Variants in PDGFC observed in about 807,000 individuals in gnomAD.
The protein encoded by PDGFC is platelet-derived growth factor C.
Under a neutral mutation model 35.5 loss-of-function variants are expected in PDGFC, and 12 were observed. That is an observed-to-expected ratio of 0.34 (90% confidence interval 0.22 to 0.55). The LOEUF (loss-of-function observed/expected upper bound fraction) is 0.55. Ranked by LOEUF, PDGFC falls within the 20% of genes least tolerant of loss-of-function variation. The pLI is 0.91. For synonymous variants in PDGFC, 159 were observed against 148.8 expected, an observed-to-expected ratio of 1.07 and a Z score of -0.50; for missense variants, 322 against 412.4, an observed-to-expected ratio of 0.78 and a Z score of 1.90.
At chr4:156,853,871 A>C (rs1178882481) in intron 1 of PDGFC, among the ~76,000 whole-genome samples, 3 of 152,054 alleles carry the variant, frequency 2.0e-5, no homozygotes, top group African/African-American at 4.8e-5. Flanking sequence ...GCTGAAGTGG[A>C]AGGATCGCTT....
At chr4:156,805,317 A>G (rs1399786533) in intron 3 of PDGFC, among the ~76,000 whole-genome samples, 2 of 152,138 alleles carry the variant, frequency 1.3e-5, no homozygotes, top group East Asian at 3.9e-4. Context: ...GTAGATAAAT[A>G]GTACTTGAAA....
intron 2 of PDGFC, among the ~76,000 whole-genome samples, chr4:156,824,295 T>C (rs1465865173): frequency 3.0e-5 from 1 of 33,252 alleles, no homozygotes; most frequent in African/African-American, 1.4e-4. Flanking sequence ...CATATATATA[T>C]ATATATATAT....
chr4:156,803,592 T>G (rs915552571), intron 3 of PDGFC, among the ~76,000 whole-genome samples: 2 of 152,082 alleles, frequency 1.3e-5, no homozygotes, highest in Non-Finnish European at 2.9e-5. Context: ...TCAAAAGAGT[T>G]ATTTCAAAAA....
chr4:156,903,525 A>G (rs1156481002), intron 1 of PDGFC, among the ~76,000 whole-genome samples: 1 of 152,094 alleles, frequency 6.6e-6, no homozygotes, highest in East Asian at 1.9e-4. Context: ...CCCTATGAAA[A>G]TTAGAAAGAA....
intron 2 of PDGFC, among the ~76,000 whole-genome samples, chr4:156,826,023 C>G (rs1003383544): frequency 6.6e-6 from 1 of 151,784 alleles, no homozygotes; most frequent in Non-Finnish European, 1.5e-5. Flanking sequence ...TACACACTAC[C>G]AGGCCAGGTT....
At chr4:156,940,895 T>G (rs1579114157) in intron 1 of PDGFC, among the ~76,000 whole-genome samples, 1 of 152,288 alleles carries the variant, frequency 6.6e-6, no homozygotes, top group African/African-American at 2.4e-5. Context: ...TAATTGTTTT[T>G]ACTTTGGAAA....
intron 3 of PDGFC, among the ~76,000 whole-genome samples, chr4:156,797,806 T>C (rs1256382217): frequency 6.6e-6 from 1 of 152,156 alleles, no homozygotes; most frequent in Non-Finnish European, 1.5e-5. Flanking sequence ...GAGACTGGGC[T>C]ACTCCTTACA....
At chr4:156,883,435 T>C (rs887427442) in intron 1 of PDGFC, among the ~76,000 whole-genome samples, 1 of 152,226 alleles carries the variant, frequency 6.6e-6, no homozygotes, top group Non-Finnish European at 1.5e-5. Context: ...CACAGCCTGC[T>C]ACATTGCATT....
chr4:156,954,871 CAGAACA>C (rs2110951737), intron 1 of PDGFC, among the ~76,000 whole-genome samples: 1 of 152,130 alleles, frequency 6.6e-6, no homozygotes, highest in East Asian at 1.9e-4. Context: ...AAGACTGCAG[CAGAACA>C]AGCTGTGTTG....
chr4:156,913,880 C>T (rs1731098886), intron 1 of PDGFC, among the ~76,000 whole-genome samples: 1 of 152,128 alleles, frequency 6.6e-6, no homozygotes, highest in South Asian at 2.1e-4. Context: ...ATCAGGTGCC[C>T]TTTGCTGCTG....
chr4:156,779,186 C>T (rs1018524527), intron 3 of PDGFC: 3 of 456,028 alleles, frequency 6.6e-6, no homozygotes, highest in Admixed American at 2.3e-5. Context: ...TGTCCTGAAA[C>T]AATTCATTTA....
At chr4:156,810,458 G>A (rs1344614457) in intron 3 of PDGFC, among the ~76,000 whole-genome samples, 1 of 151,782 alleles carries the variant, frequency 6.6e-6, no homozygotes, top group African/African-American at 2.4e-5. Context: ...ATTACTAAAT[G>A]AATAAATTGT....
At chr4:156,873,562 G>C (rs555128435) in intron 1 of PDGFC, among the ~76,000 whole-genome samples, 1 of 152,122 alleles carries the variant, frequency 6.6e-6, no homozygotes, top group East Asian at 1.9e-4. Context: ...ACTTCTTTTT[G>C]AAATCTATTC....
chr4:156,784,397 G>A (rs1731063363), intron 3 of PDGFC, among the ~76,000 whole-genome samples: 1 of 152,128 alleles, frequency 6.6e-6, no homozygotes, highest in African/African-American at 2.4e-5. Context: ...TAACATCAAA[G>A]TAATGGAAAG....
chr4:156,785,831 TA>T (rs1334169064), intron 3 of PDGFC, among the ~76,000 whole-genome samples: 1 of 152,210 alleles, frequency 6.6e-6, no homozygotes, highest in Non-Finnish European at 1.5e-5. Context: ...CAGTGAGATT[TA>T]ATAAAGTTCT....
intron 1 of PDGFC, among the ~76,000 whole-genome samples, chr4:156,903,537 G>T (rs966104124): frequency 7.9e-5 from 12 of 151,966 alleles, no homozygotes; most frequent in African/African-American, 2.2e-4. Context: ...TAGAAAGAAT[G>T]ATTTAAAATT....
intron 1 of PDGFC, among the ~76,000 whole-genome samples, chr4:156,934,256 C>T (rs940666587): frequency 3.3e-5 from 5 of 152,198 alleles, no homozygotes; most frequent in Admixed American, 2.6e-4. Flanking sequence ...GCCTACTGCT[C>T]CCAGACTACA....
chr4:156,850,301 T>C lies in PDGFC; in HGVS notation c.234A>G (p.Val78=), dbSNP rs1158453508. 2 of 1,611,284 alleles carry C rather than the reference T, an allele frequency of 1.2e-6. No homozygotes were observed. Among genetic ancestry groups the C allele is most frequent in the South Asian group, 1.1e-5 (1 of 90,854 alleles). ...GTATCCATACATTTTCCTCTACTGC[T>C]ACTAATCTCCATACCAAGACCGTAT... The part of the protein sequence containing the change: ...PRNTVLVWRL[V]AVEENVWIQL... Residue 78 remains valine (V), a synonymous_variant, in exon 2 of 6, where the codon GTA becomes GTG. Coordinates refer to ENST00000502773, the MANE Select transcript of PDGFC (RefSeq NM_016205.3).
intron 3 of PDGFC, among the ~76,000 whole-genome samples, chr4:156,778,674 T>TA (rs995492206): frequency 6.6e-6 from 1 of 152,230 alleles, no homozygotes; most frequent in African/African-American, 2.4e-5. Flanking sequence ...TACTTACCTC[T>TA]AAAAAACCAT....
Sources: allele counts gnomAD v4.1 joint callset (sites outside exome capture counted in the v4.1 genomes callset), GRCh38; gene constraint gnomAD v4.1.1; transcripts MANE v1.5; gene names NCBI Gene and HGNC (gene_info 2026-07-23, HGNC 2026-07-21).